MTX2: variants seen among roughly 807,000 people sequenced by gnomAD.
MTX2 encodes metaxin-2.
MTX2 carries 35 observed loss-of-function variants against 42.3 expected under a neutral mutation model. The ratio of observed to expected loss-of-function variants is 0.83; its 90% CI spans 0.63 to 1.10. The LOEUF (loss-of-function observed/expected upper bound fraction) is 1.10. Among genes scored for constraint, MTX2 ranks in the 50% least tolerant of loss-of-function variants. The probability of loss-of-function intolerance (pLI) is 0.00; values close to 1 mark genes in which losing one functional copy is unlikely to be tolerated. For missense variants in MTX2, 307 were observed against 304.1 expected (o/e 1.01, Z -0.07); for synonymous variants, 119 against 100.9 (o/e 1.18, Z -1.08).
intron 1 of MTX2, among the ~76,000 whole-genome samples, chr2:176,286,108 A>G (rs1307124815): frequency 6.6e-6 from 1 of 152,140 alleles, no homozygotes; most frequent in Non-Finnish European, 1.5e-5. Context: ...GCATTTCCCT[A>G]ATGACTAATG....
intron 1 of MTX2, among the ~76,000 whole-genome samples, chr2:176,287,480 G>A (rs1693232620): frequency 6.6e-6 from 1 of 152,058 alleles, no homozygotes; most frequent in Admixed American, 6.6e-5. Flanking sequence ...TTTGGGTTAG[G>A]GTTGCTTAAC....
At chr2:176,335,505 A>C (rs757279747) in intron 9 of MTX2, among the ~76,000 whole-genome samples, 1 of 152,096 alleles carries the variant, frequency 6.6e-6, no homozygotes, top group Non-Finnish European at 1.5e-5. Context: ...GAGTAGAAGC[A>C]GTAAGACACT....
Position 176,329,300 on chromosome 2 carries a change from G to C in MTX2, c.418-1G>C. ...TTTTTTACAAAATCTTTTTACTTTA[G>C]ATCACTCATGCTAGGTATGGATCTC... On this transcript the variant is annotated splice_acceptor_variant, in intron 7 of 9. Coordinates refer to ENST00000249442, the MANE Select transcript of MTX2 (RefSeq NM_006554.5). LOFTEE classifies it high-confidence loss of function. 6.3e-7 allele frequency: 1 copy of C among 1,594,858 alleles called. No individual in the cohort carries two copies. Among genetic ancestry groups the C allele is most frequent in the Non-Finnish European group, 8.5e-7 (1 of 1,171,100 alleles).
chr2:176,333,644 A>G (rs1228353338), intron 9 of MTX2, among the ~76,000 whole-genome samples: 1 of 151,734 alleles, frequency 6.6e-6, no homozygotes, highest in East Asian at 1.9e-4. Context: ...ATATACAGTC[A>G]TGCCCTGTAT....
intron 3 of MTX2, among the ~76,000 whole-genome samples, chr2:176,306,697 C>T (rs1381200870): frequency 1.3e-5 from 2 of 152,106 alleles, no homozygotes; most frequent in African/African-American, 2.4e-5. Context: ...CTATTGGCTG[C>T]GTAGATGTCT....
At chr2:176,310,987 T>A (rs1163349569) in intron 3 of MTX2, among the ~76,000 whole-genome samples, 2 of 152,194 alleles carry the variant, frequency 1.3e-5, no homozygotes, top group African/African-American at 4.8e-5. Context: ...GCACTCTGAT[T>A]TAGAATTTTT....
intron 6 of MTX2, 139 bp from the exon 7 acceptor site, chr2:176,328,733 GAT>G: frequency 1.5e-6 from 1 of 662,622 alleles, no homozygotes. Context: ...CATTTTTGTG[GAT>G]AGCAGCTAAG....
At chr2:176,317,410 T>C (rs983340831) in intron 3 of MTX2, among the ~76,000 whole-genome samples, 6 of 152,208 alleles carry the variant, frequency 3.9e-5, no homozygotes, top group African/African-American at 1.4e-4. Context: ...TCTGCAGTTT[T>C]GTTTGCCAGT....
At chr2:176,290,640 T>C (rs1002362160) in intron 1 of MTX2, among the ~76,000 whole-genome samples, 1 of 152,116 alleles carries the variant, frequency 6.6e-6, no homozygotes, top group Non-Finnish European at 1.5e-5. Flanking sequence ...GATTTACATA[T>C]GAAGACAGTT....
intron 3 of MTX2, among the ~76,000 whole-genome samples, chr2:176,322,425 G>GT (rs1277432757): frequency 6.6e-6 from 1 of 151,914 alleles, no homozygotes; most frequent in African/African-American, 2.4e-5. Context: ...TAGACAAAAG[G>GT]TTTGTCTTCC....
chr2:176,283,821 C>A (rs1301823885), intron 1 of MTX2, among the ~76,000 whole-genome samples: 1 of 152,150 alleles, frequency 6.6e-6, no homozygotes, highest in Admixed American at 6.5e-5. Context: ...TGAGGTCTCA[C>A]AGTTGTGTGG....
chr2:176,292,171 T>C (rs779466804), intron 1 of MTX2, among the ~76,000 whole-genome samples: 1 of 152,188 alleles, frequency 6.6e-6, no homozygotes, highest in Non-Finnish European at 1.5e-5. Flanking sequence ...TCTGTGTTTA[T>C]TCTAAGGCTG....
rs117123135 is a variant in MTX2 at position 176,332,331 on chromosome 2, G to A, written c.620+1671G>A. On this transcript the variant is annotated intron_variant, in intron 9 of 9. Coordinates refer to ENST00000249442, the MANE Select transcript of MTX2 (RefSeq NM_006554.5). The stretch of plus-strand genomic sequence containing the variant: ...CATTTTTCTCATTCCTTTATCTGTA[G>A]CAGGAGTCATTACTTTGTGAGATAC... Among the ~76,000 whole-genome samples, 484 of 151,332 alleles carry A rather than the reference G, an allele frequency of 3.2e-3. 6 individuals carry two copies. The East Asian group carries it at 0.035, about 11-fold the overall frequency.
intron 3 of MTX2, among the ~76,000 whole-genome samples, chr2:176,309,382 G>A (rs552755318): frequency 6.6e-6 from 1 of 152,294 alleles, no homozygotes; most frequent in South Asian, 2.1e-4. Flanking sequence ...AATTGGGGTG[G>A]AGAGTTCTGT....
intron 3 of MTX2, among the ~76,000 whole-genome samples, chr2:176,306,869 C>T (rs952283485): frequency 3.3e-5 from 5 of 152,112 alleles, no homozygotes; most frequent in Non-Finnish European, 7.3e-5. Context: ...CCTGTTCACT[C>T]TGATGGTAGT....
chr2:176,281,446 G>T (rs1347786033), intron 1 of MTX2, among the ~76,000 whole-genome samples: 3 of 152,262 alleles, frequency 2.0e-5, no homozygotes, highest in Middle Eastern at 6.8e-3. Context: ...CTTCCTCACA[G>T]CTTGGTGGCC....
intron 1 of MTX2, among the ~76,000 whole-genome samples, chr2:176,292,260 A>G (rs746030688): frequency 2.6e-5 from 4 of 152,236 alleles, no homozygotes; most frequent in Non-Finnish European, 5.9e-5. Context: ...TAGGTGAGTC[A>G]TGACATTTTA....
At chr2:176,294,881 CTTAA>C (rs1282236294) in intron 1 of MTX2, among the ~76,000 whole-genome samples, 2 of 151,182 alleles carry the variant, frequency 1.3e-5, no homozygotes, top group African/African-American at 4.9e-5. Flanking sequence ...CAACCTAATA[CTTAA>C]TTGTTTTAAA....
rs118127954 is a variant in MTX2, at chr2:176,311,299, A to G, written c.136-12093A>G. 1.2e-4 allele frequency among the ~76,000 whole-genome samples: 19 copies of G among 152,068 alleles called. No homozygotes were observed. In the East Asian group the frequency reaches 1.7e-3, roughly 14 times the overall value. ...CTTCGTCCCAGAGGAGCACCGAACTATGTGAGGTGTCTTTCGGCCCTTACT... is the reference window on the plus strand; with the variant it reads ...CTTCGTCCCAGAGGAGCACCGAACTGTGTGAGGTGTCTTTCGGCCCTTACT... On this transcript the variant is annotated intron_variant, in intron 3 of 9. Coordinates refer to ENST00000249442, the MANE Select transcript of MTX2 (RefSeq NM_006554.5).
Sources: gnomAD v4.1 joint callset for allele counts (sites outside exome capture counted in the v4.1 genomes callset) on GRCh38, gnomAD v4.1.1 for gene constraint, MANE v1.5 for transcripts, NCBI Gene and HGNC (gene_info 2026-07-23, HGNC 2026-07-21) for gene names.